The following ROBO3 variants were observed in gnomAD, a reference collection of about 807,000 sequenced individuals.
ROBO3 encodes roundabout guidance receptor 3.
ROBO3 carries 97 observed loss-of-function variants against 160.5 expected under a neutral mutation model. That is an observed-to-expected ratio of 0.60 (90% CI 0.51 to 0.72). The LOEUF (loss-of-function observed/expected upper bound fraction) is 0.72. Among genes scored for constraint, ROBO3 ranks in the 30% least tolerant of loss-of-function variants. The pLI is 0.00. For missense variants in ROBO3, 1,858 were observed against 1,846.5 expected (o/e 1.01, Z -0.11); for synonymous variants, 780 against 746.2 (o/e 1.05, Z -0.74).
chr11:124,879,747 G>A, intron 25 of ROBO3, 40 bp from the exon 26 acceptor site: 3 of 1,609,306 alleles, frequency 1.9e-6, no homozygotes, highest in Non-Finnish European at 2.5e-6. Flanking sequence ...TTAGTGACAG[G>A]AGTGGCAGGA....
chr11:124,873,466 C>T lies in ROBO3; in HGVS notation c.1618+75C>T. 4 of 1,284,690 alleles carry T rather than the reference C, an allele frequency of 3.1e-6. No homozygotes were observed. The South Asian group carries it at 5.1e-5, about 16-fold the overall frequency. 79.6% of individuals were successfully genotyped at this position (1,284,690 alleles called of 1,614,324 possible). On this transcript the variant is annotated intron_variant, in intron 10 of 27. Transcript: ENST00000397801. This position sits in a 1 kb window ranked among gnomAD's most constrained non-coding sequence, Gnocchi z 4.5. Reference sequence around the variant, plus strand: ...TGCTTCAACAGGTAGTCGATACCTCCTCAAACTCCGGGATTAACTTTATGT... The same window carrying T: ...TGCTTCAACAGGTAGTCGATACCTCTTCAAACTCCGGGATTAACTTTATGT...
Position 124,865,983 on chromosome 11 carries a change from C to T in ROBO3, c.160+246C>T, listed in dbSNP as rs11219816. The stretch of plus-strand genomic sequence containing the variant: ...AGTCTTTTTACACCTCCTTCCCTTC[C>T]CCTACAACGCCCACCCCAGGTGAGA... On this transcript the variant is annotated intron_variant, in intron 1 of 27. Coordinates refer to ENST00000397801, the MANE Select transcript of ROBO3 (RefSeq NM_022370.4). This position sits in a 1 kb window ranked among gnomAD's most constrained non-coding sequence, Gnocchi z 5.5. 0.27 allele frequency among the ~76,000 whole-genome samples: 40,584 copies of T among 152,050 alleles called. 5,635 individuals carry two copies. The highest frequency in any genetic ancestry group is 0.33 in the African/African-American group (13,579 of 41,470).
chr11:124,877,525 C>A lies in ROBO3; in HGVS notation c.2853C>A (p.Pro951=). 6.2e-7 allele frequency: 1 copy of A among 1,601,486 alleles called. No homozygotes were observed. The highest frequency in any genetic ancestry group is 2.3e-5 in the East Asian group (1 of 44,082). Residue 951 remains proline, a synonymous_variant, in exon 20 of 28, where the codon CCC becomes CCA. Transcript: ENST00000397801. The part of the protein sequence containing the change: ...EGLSGASSRP[P]MGLGPAPYSW... Reference sequence around the variant, plus strand: ...CTCACCTGCTCTCCCTCAGGCCACCCATGGGCCTTGGCCCCGCCCCCTACT... The same window carrying A: ...CTCACCTGCTCTCCCTCAGGCCACCAATGGGCCTTGGCCCCGCCCCCTACT...
Position 124,873,690 on chromosome 11 carries a change from A to G in ROBO3, c.1619-7A>G. ...TCTTTCTACTTAAAGATTATCTCCC[A>G]CTGCAGAAGACTGGGGAGTATCACC... On this transcript the variant is annotated splice_region_variant and splice_polypyrimidine_tract_variant and intron_variant, in intron 10 of 27. Coordinates refer to ENST00000397801, the MANE Select transcript of ROBO3 (RefSeq NM_022370.4). This position sits in a 1 kb window ranked among gnomAD's most constrained non-coding sequence, Gnocchi z 4.5. 2 of 1,601,544 alleles carry G rather than the reference A, an allele frequency of 1.2e-6. No individual in the cohort carries two copies. Among genetic ancestry groups the G allele is most frequent in the Middle Eastern group, 1.7e-4 (1 of 5,992 alleles).
At chr11:124,867,354 G>C (rs1162994312) in intron 1 of ROBO3, among the ~76,000 whole-genome samples, 2 of 152,192 alleles carry the variant, frequency 1.3e-5, no homozygotes, top group African/African-American at 4.8e-5. Flanking sequence ...ACATCACAAA[G>C]AAAGAAACTG....
intron 5 of ROBO3, 59 bp from the exon 6 acceptor site, chr11:124,870,542 G>A (rs186719845): frequency 5.0e-6 from 8 of 1,610,554 alleles, no homozygotes; most frequent in South Asian, 1.1e-5. Flanking sequence ...TCTGTCCTGG[G>A]GGAGAGAGAA....
chr11:124,876,033 G>T lies in ROBO3; in HGVS notation c.2501G>T (p.Gly834Val), dbSNP rs200429803. Residue 834 changes from glycine to valine, a missense_variant, in exon 16 of 28, where the codon GGA (glycine) becomes GTA (valine). Physicochemically the swap from Gly to Val is moderately radical, Grantham distance 109. Coordinates refer to ENST00000397801, the MANE Select transcript of ROBO3 (RefSeq NM_022370.4). The surrounding 1 kb of genome is among the most constrained non-coding windows in gnomAD (Gnocchi z 5.3). ...TGGGCACGCTCCGCAATGCTCCGAG[G>T]ACTGGTGCCCGGTCTCCTCTATCGA... ...AGWARSAMLR[G>V]LVPGLLYRTL... 1 of 1,606,498 alleles carries T rather than the reference G, an allele frequency of 6.2e-7. No individual in the cohort carries two copies. Among genetic ancestry groups the T allele is most frequent in the Non-Finnish European group, 8.5e-7 (1 of 1,177,174 alleles).
chr11:124,878,259 C>A lies in ROBO3; in HGVS notation c.3182-39C>A. ...GACCTGTCTCATCTCTGGCTCTTTC[C>A]TGCCTGTTCTCCGGGTGTCCCCATC... On this transcript the variant is annotated intron_variant, in intron 21 of 27. Transcript: ENST00000397801. The surrounding 1 kb of genome is among the most constrained non-coding windows in gnomAD (Gnocchi z 4.3). The A allele has an allele frequency of 6.2e-7, 1 of 1,607,284 alleles. No homozygotes were observed. Among genetic ancestry groups the A allele is most frequent in the Non-Finnish European group, 8.5e-7 (1 of 1,176,644 alleles).
rs1946285436 is a variant in ROBO3, at chr11:124,872,057, T to G, written c.1159-324T>G. On this transcript the variant is annotated intron_variant, in intron 7 of 27. Coordinates refer to ENST00000397801, the MANE Select transcript of ROBO3 (RefSeq NM_022370.4). The surrounding 1 kb of genome is among the most constrained non-coding windows in gnomAD (Gnocchi z 4.3). ...CACAACGTGTTAGAAGACTTTCATA[T>G]GATTACTTCATGTGATCTTTATAAC... 6.6e-6 allele frequency among the ~76,000 whole-genome samples: 1 copy of G among 152,226 alleles called. No homozygotes were observed. Among genetic ancestry groups the G allele is most frequent in the African/African-American group, 2.4e-5 (1 of 41,454 alleles).
rs1488818775 is a variant in ROBO3, at chr11:124,878,334, C to A, written c.3218C>A (p.Pro1073His). Residue 1073 changes from proline to histidine, a missense_variant, in exon 22 of 28, where the codon CCT (proline) becomes CAT (histidine). Coordinates refer to ENST00000397801, the MANE Select transcript of ROBO3 (RefSeq NM_022370.4). The surrounding 1 kb of genome is among the most constrained non-coding windows in gnomAD (Gnocchi z 4.3). Reference sequence around the variant, plus strand: ...GGCAAAGTGAAGCTTCTGGGGAAACCTGTGCAGATGCCCTCTCTGAACTGG... The same window carrying A: ...GGCAAAGTGAAGCTTCTGGGGAAACATGTGCAGATGCCCTCTCTGAACTGG... Reference protein sequence around the residue: ...KGGKVKLLGKPVQMPSLNWPE... With the variant: ...KGGKVKLLGKHVQMPSLNWPE... 1 of 1,613,812 alleles carries A rather than the reference C, an allele frequency of 6.2e-7. No individual in the cohort carries two copies. The highest frequency in any genetic ancestry group is 1.1e-5 in the South Asian group (1 of 91,008).
chr11:124,866,419 G>T (rs759269312), intron 1 of ROBO3, among the ~76,000 whole-genome samples: 1 of 152,180 alleles, frequency 6.6e-6, no homozygotes, highest in African/African-American at 2.4e-5. Context: ...AGCTGCGGGA[G>T]CCGGCCGCCG....
rs767305046 is a variant in ROBO3, at chr11:124,878,699, C to T, written c.3436C>T (p.Pro1146Ser). The T allele has an allele frequency of 1.9e-6, 3 of 1,613,808 alleles. No individual in the cohort carries two copies. The African/African-American group carries it at 4.0e-5, about 22-fold the overall frequency. ...PSRRETPSPT[P>S]SYGQQSTATL... ...CCGAAGGGAAACCCCCTCTCCCACA[C>T]CTTCCTATGGACAGCAGTCCACAGC... The change falls in exon 23 of 28, where the codon CCT becomes TCT. Residue 1146 changes from proline to serine, a missense_variant. Transcript: ENST00000397801. This position sits in a 1 kb window ranked among gnomAD's most constrained non-coding sequence, Gnocchi z 4.3.
intron 19 of ROBO3, 45 bp downstream of exon 19, chr11:124,877,354 GC>G: frequency 6.2e-7 from 1 of 1,611,296 alleles, no homozygotes. Context: ...CCACCGACAG[GC>G]CACTCTTCTT....
At position 124,873,113 on chromosome 11, in the gene ROBO3, A is replaced by C. The variant is rs1223333245; in HGVS notation, c.1536+24A>C. The C allele has an allele frequency of 6.2e-7, 1 of 1,603,722 alleles. No homozygotes were observed. The highest frequency in any genetic ancestry group is 1.1e-5 in the South Asian group (1 of 89,898). ...AGGTGAGTGTCACCCCTGGGGCCCTAGTAGCTGAGAATGGCTATCTGCTCC... is the reference window on the plus strand; with the variant it reads ...AGGTGAGTGTCACCCCTGGGGCCCTCGTAGCTGAGAATGGCTATCTGCTCC... On this transcript the variant is annotated intron_variant, in intron 9 of 27. Coordinates refer to ENST00000397801, the MANE Select transcript of ROBO3 (RefSeq NM_022370.4). This position sits in a 1 kb window ranked among gnomAD's most constrained non-coding sequence, Gnocchi z 4.5.
In ROBO3 at chr11:124,876,333, G is replaced by C; in HGVS notation, c.2652G>C (p.Leu884=). 6.9e-7 allele frequency: 1 copy of C among 1,440,696 alleles called. No homozygotes were observed. Among genetic ancestry groups the C allele is most frequent in the Non-Finnish European group, 9.0e-7 (1 of 1,107,672 alleles). 89.2% of individuals were successfully genotyped at this position (1,440,696 alleles called of 1,614,324 possible). Residue 884 remains leucine, a synonymous_variant, in exon 17 of 28, where the codon CTG becomes CTC. Coordinates refer to ENST00000397801, the MANE Select transcript of ROBO3 (RefSeq NM_022370.4). The surrounding 1 kb of genome is among the most constrained non-coding windows in gnomAD (Gnocchi z 5.3). ...LEVGAGLAVR[L]ARVLREPAFL... The stretch of plus-strand genomic sequence containing the variant: ...TGGGCGCGGGGCTGGCGGTGCGGCT[G>C]GCGAGGGTGCTGCGGGAGCCCGCCT...
Position 124,876,104 on chromosome 11 carries a change from G to A in ROBO3, c.2572G>A (p.Ala858Thr). The change falls in exon 16 of 28, where the codon GCC becomes ACC. Residue 858 changes from alanine to threonine, a missense_variant. Ala to Thr is a moderately conservative substitution (Grantham distance 58). Coordinates refer to ENST00000397801, the MANE Select transcript of ROBO3 (RefSeq NM_022370.4). This position sits in a 1 kb window ranked among gnomAD's most constrained non-coding sequence, Gnocchi z 5.3. The stretch of plus-strand genomic sequence containing the variant: ...CAGCGCAGGCGTGGGCGTGCCCAGT[G>A]CCCCAGTGCTGGTGCAGCTGCGTGA... Reference protein sequence around the residue: ...ATSAGVGVPSAPVLVQLPSPP... With the variant: ...ATSAGVGVPSTPVLVQLPSPP... 1.2e-6 allele frequency: 2 copies of A among 1,605,484 alleles called. No homozygotes were observed. Among genetic ancestry groups the A allele is most frequent in the East Asian group, 4.5e-5 (2 of 44,830 alleles).
rs552654941 is a variant in ROBO3 at position 124,878,486 on chromosome 11, G to T, written c.3320+50G>T. ...CCCACACACCTGCGGCCAGACCATGGGCTGCTGGGGAGGAAGGGGAGGGGG... is the reference window on the plus strand; with the variant it reads ...CCCACACACCTGCGGCCAGACCATGTGCTGCTGGGGAGGAAGGGGAGGGGG... On this transcript the variant is annotated intron_variant, in intron 22 of 27. Transcript: ENST00000397801. The surrounding 1 kb of genome is among the most constrained non-coding windows in gnomAD (Gnocchi z 4.3). 27 of 1,604,750 alleles carry T rather than the reference G, an allele frequency of 1.7e-5. No individual in the cohort carries two copies. In the East Asian group the frequency reaches 4.3e-4, roughly 25 times the overall value.
At position 124,873,718 on chromosome 11, in the gene ROBO3, A is replaced by AC. The variant is rs773719165; in HGVS notation, c.1646dup (p.Thr550TyrfsTer17). On this transcript the variant is annotated frameshift_variant, in exon 11 of 28. Transcript: ENST00000397801. LOFTEE classifies it high-confidence loss of function. The surrounding 1 kb of genome is among the most constrained non-coding windows in gnomAD (Gnocchi z 4.5). ...GCAGAAGACTGGGGAGTATCACCAGACCCCCCTACAGAACCCAGTTCCCCT... is the reference window on the plus strand; with the variant it reads ...GCAGAAGACTGGGGAGTATCACCAGACCCCCCCTACAGAACCCAGTTCCCCT... 2.5e-6 allele frequency: 4 copies of AC among 1,612,674 alleles called. No homozygotes were observed. The highest frequency in any genetic ancestry group is 1.1e-5 in the South Asian group (1 of 90,966).
chr11:124,865,491 G>A lies in ROBO3; in HGVS notation c.-87G>A. ...GGCTGCCGCAGCGCGCAGAGGCTGT[G>A]GAGGGGCTTACGGCTCCCAGCCCAC... On this transcript the variant is annotated 5_prime_UTR_variant, in exon 1 of 28. Transcript: ENST00000397801. The surrounding 1 kb of genome is among the most constrained non-coding windows in gnomAD (Gnocchi z 5.5). 2 of 1,402,034 alleles carry A rather than the reference G, an allele frequency of 1.4e-6. No individual in the cohort carries two copies. Among genetic ancestry groups the A allele is most frequent in the Non-Finnish European group, 2.0e-6 (2 of 1,024,786 alleles). 86.8% of individuals were successfully genotyped at this position (1,402,034 alleles called of 1,614,324 possible).
Sources: allele counts gnomAD v4.1 joint callset (sites outside exome capture counted in the v4.1 genomes callset), GRCh38; gene constraint gnomAD v4.1.1; non-coding constraint Gnocchi (gnomAD v3.1); transcripts MANE v1.5; gene names NCBI Gene and HGNC (gene_info 2026-07-23, HGNC 2026-07-21).